KCNU1: variants seen among roughly 807,000 people sequenced by gnomAD.
KCNU1 encodes the protein potassium channel subfamily U member 1.
A neutral mutation model predicts 126.8 loss-of-function variants in KCNU1; 93 were observed. The observed-to-expected ratio is 0.73, with a 90% confidence interval of 0.62 to 0.87. The LOEUF (loss-of-function observed/expected upper bound fraction) is 0.87. Among genes scored for constraint, KCNU1 ranks in the 40% least tolerant of loss-of-function variants. KCNU1 has a pLI of 0.00. For missense variants in KCNU1, 1,330 were observed against 1,367.1 expected (o/e 0.97, Z 0.43); for synonymous variants, 523 against 494.2 (o/e 1.06, Z -0.77).
At chr8:36,801,430 T>C (rs1255731337) in intron 2 of KCNU1, among the ~76,000 whole-genome samples, 1 of 138,206 alleles carries the variant, frequency 7.2e-6, no homozygotes, top group Non-Finnish European at 1.5e-5. Context: ...TTTGTTTCTA[T>C]CTTTTTTTTT....
chr8:36,919,033 C>A, intron 23 of KCNU1, 136 bp downstream of exon 23: 1 of 641,816 alleles, frequency 1.6e-6, no homozygotes. Flanking sequence ...AGTGCTTGCC[C>A]GGATGTTACA....
In KCNU1 at chr8:36,808,583, C is replaced by T. The variant is rs145174637; in HGVS notation, c.657-135C>T. On this transcript the variant is annotated intron_variant, in intron 6 of 26. Transcript: ENST00000399881. ...GGGCAGGGACTGGGATGCTGCATTT[C>T]GAATATGTTTTCGGGTAATGCCGTT... The T allele has an allele frequency of 7.3e-4, 461 of 631,570 alleles. 3 individuals carry two copies. Among genetic ancestry groups the T allele is most frequent in the African/African-American group, 6.7e-3 (368 of 54,524 alleles). The allele number at this position is 631,570 out of a possible 1,614,324, so 39.1% of individuals were successfully genotyped here. A position where few individuals can be genotyped will look rare whatever the true frequency, so the allele number is the denominator to read the frequency against.
intron 1 of KCNU1, among the ~76,000 whole-genome samples, chr8:36,786,868 T>A (rs559557449): frequency 6.6e-6 from 1 of 152,184 alleles, no homozygotes; most frequent in Non-Finnish European, 1.5e-5. Context: ...TGCTGAAAAC[T>A]TCCCCCTTCT....
intron 10 of KCNU1, among the ~76,000 whole-genome samples, chr8:36,830,055 T>C (rs1322702370): frequency 6.7e-6 from 1 of 149,412 alleles, no homozygotes; most frequent in Admixed American, 6.7e-5. Flanking sequence ...GTTATAATTA[T>C]TTACATTAAA....
chr8:36,866,022 T>G (rs1355409404), intron 19 of KCNU1, among the ~76,000 whole-genome samples: 1 of 151,800 alleles, frequency 6.6e-6, no homozygotes. Context: ...TCAGAAGTGG[T>G]GGGTGGGGGA....
At chr8:36,787,264 C>A in intron 1 of KCNU1, 42 bp from the exon 2 acceptor site, 1 of 1,552,552 alleles carries the variant, frequency 6.4e-7, no homozygotes, top group South Asian at 1.2e-5. Context: ...TTCTTTCTCT[C>A]AGATCCAGCT....
chr8:36,933,733 G>A (rs1335478366), intron 26 of KCNU1, among the ~76,000 whole-genome samples: 1 of 152,126 alleles, frequency 6.6e-6, no homozygotes, highest in Non-Finnish European at 1.5e-5. Context: ...ACTCAAAGTG[G>A]AGTGGTCTTG....
At chr8:36,804,460 A>T (rs1254407107) in intron 3 of KCNU1, among the ~76,000 whole-genome samples, 2 of 152,138 alleles carry the variant, frequency 1.3e-5, no homozygotes, top group African/African-American at 4.8e-5. Flanking sequence ...ACGCTGTCGT[A>T]GTTTCAGGGT....
intron 9 of KCNU1, among the ~76,000 whole-genome samples, chr8:36,816,935 G>GA (rs1397781319): frequency 4.2e-5 from 6 of 141,878 alleles, no homozygotes; most frequent in African/African-American, 8.2e-5. Flanking sequence ...TGCTCCTCAA[G>GA]AAAAAAACAA....
At chr8:36,906,111 C>G (rs1807618675) in intron 20 of KCNU1, among the ~76,000 whole-genome samples, 1 of 151,380 alleles carries the variant, frequency 6.6e-6, no homozygotes, top group Non-Finnish European at 1.5e-5. Flanking sequence ...TGAAGTTTTG[C>G]TGTTTTCCTA....
intron 16 of KCNU1, 147 bp from the exon 17 acceptor site, chr8:36,845,433 T>C (rs967660448): frequency 2.2e-5 from 13 of 597,470 alleles, no homozygotes; most frequent in Admixed American, 6.1e-5. Flanking sequence ...CAAATTCACA[T>C]TCTCCACTGT....
At chr8:36,877,249 C>G (rs1806308089) in intron 19 of KCNU1, among the ~76,000 whole-genome samples, 1 of 151,650 alleles carries the variant, frequency 6.6e-6, no homozygotes, top group Non-Finnish European at 1.5e-5. Context: ...TCAGTCAAGC[C>G]TCTTGCTTTC....
At chr8:36,912,092 T>C (rs2117538022) in intron 22 of KCNU1, among the ~76,000 whole-genome samples, 1 of 152,330 alleles carries the variant, frequency 6.6e-6, no homozygotes, top group South Asian at 2.1e-4. Context: ...TGATTCTCTG[T>C]ATCAAGATCA....
intron 1 of KCNU1, among the ~76,000 whole-genome samples, chr8:36,786,783 A>G (rs1190218251): frequency 6.6e-6 from 1 of 152,214 alleles, no homozygotes; most frequent in African/African-American, 2.4e-5. Flanking sequence ...ATAAGTAAAG[A>G]CATTCTATAA....
chr8:36,919,811 G>A (rs779947108), intron 23 of KCNU1, among the ~76,000 whole-genome samples: 9 of 152,152 alleles, frequency 5.9e-5, no homozygotes, highest in Non-Finnish European at 1.2e-4. Flanking sequence ...CAAAACCACT[G>A]GGATTTATCC....
intron 10 of KCNU1, among the ~76,000 whole-genome samples, chr8:36,820,040 A>C (rs1441894329): frequency 1.3e-5 from 2 of 152,176 alleles, no homozygotes; most frequent in East Asian, 3.9e-4. Flanking sequence ...GAGAAGGCCC[A>C]GTCAGCTGTC....
intron 20 of KCNU1, among the ~76,000 whole-genome samples, chr8:36,908,878 A>G (rs1012205480): frequency 6.6e-6 from 1 of 152,108 alleles, no homozygotes; most frequent in Admixed American, 6.6e-5. Flanking sequence ...GCTTGCTGTA[A>G]TTTTCAGGAC....
At chr8:36,892,440 T>C (rs1807001555) in intron 19 of KCNU1, among the ~76,000 whole-genome samples, 1 of 151,820 alleles carries the variant, frequency 6.6e-6, no homozygotes, top group African/African-American at 2.4e-5. Flanking sequence ...TTATAAAATC[T>C]TTGCCTAGAA....
chr8:36,807,025 A>G (rs1208384288), intron 5 of KCNU1, among the ~76,000 whole-genome samples: 1 of 152,208 alleles, frequency 6.6e-6, no homozygotes, highest in East Asian at 1.9e-4. Flanking sequence ...GAAGAGTTAA[A>G]TAGAGTAAAA....
Sources: gnomAD v4.1 joint callset for allele counts (sites outside exome capture counted in the v4.1 genomes callset) on GRCh38, gnomAD v4.1.1 for gene constraint, MANE v1.5 for transcripts, NCBI Gene and HGNC (gene_info 2026-07-23, HGNC 2026-07-21) for gene names.